PLCG2: variants seen among roughly 807,000 people sequenced by gnomAD.
PLCG2 encodes the protein phospholipase C gamma 2.
A neutral mutation model predicts 175.6 loss-of-function variants in PLCG2; 69 were observed. The observed-to-expected ratio is 0.39, with a 90% CI of 0.32 to 0.48. The LOEUF (loss-of-function observed/expected upper bound fraction) is 0.48, where lower values mean the gene tolerates loss of function less well. Among genes scored for constraint, PLCG2 ranks in the 20% least tolerant of loss-of-function variants. The pLI, the probability that PLCG2 is intolerant of heterozygous loss-of-function variation, is 0.91. For missense variants in PLCG2, 1,798 were observed against 1,650.9 expected (o/e 1.09, Z -1.54); for synonymous variants, 827 against 624.0 (o/e 1.33, Z -4.85).
chr16:81,780,110 C>T (rs1457085775), intron 1 of PLCG2, among the ~76,000 whole-genome samples: 1 of 151,892 alleles, frequency 6.6e-6, no homozygotes, highest in Non-Finnish European at 1.5e-5. Context: ...GCGGGGCTCT[C>T]TTGGTACCCT....
chr16:81,796,280 C>T (rs1911465997), intron 2 of PLCG2, among the ~76,000 whole-genome samples: 1 of 152,248 alleles, frequency 6.6e-6, no homozygotes, highest in Admixed American at 6.5e-5. Context: ...CAAACCTTGG[C>T]TTTTTCTGTT....
chr16:81,864,590 G>T (rs191471467), intron 5 of PLCG2, among the ~76,000 whole-genome samples: 1 of 152,166 alleles, frequency 6.6e-6, no homozygotes, highest in Admixed American at 6.5e-5. Flanking sequence ...AATAGTTCCC[G>T]CCTCCCAGGG....
At chr16:81,917,201 C>A (rs1259936243) in intron 19 of PLCG2, among the ~76,000 whole-genome samples, 5 of 148,724 alleles carry the variant, frequency 3.4e-5, no homozygotes, top group African/African-American at 1.2e-4. Flanking sequence ...CAGGTTCATC[C>A]ATGCTGTTGC....
intron 10 of PLCG2, among the ~76,000 whole-genome samples, chr16:81,891,093 G>A (rs974030824): frequency 6.6e-6 from 1 of 152,142 alleles, no homozygotes; most frequent in African/African-American, 2.4e-5. Context: ...AACCCAGGAG[G>A]TGGAGGTTGC....
At chr16:81,927,219 C>T (rs753674140) in intron 23 of PLCG2, 41 bp downstream of exon 23, 15 of 1,363,582 alleles carry the variant, frequency 1.1e-5, no homozygotes, top group Non-Finnish European at 1.5e-5. Flanking sequence ...AAGAAGGGAT[C>T]TGCAGGTCCA....
chr16:81,855,389 G>T (rs991354801), intron 3 of PLCG2, among the ~76,000 whole-genome samples: 1 of 152,148 alleles, frequency 6.6e-6, no homozygotes, highest in African/African-American at 2.4e-5. Context: ...TATTGACTTA[G>T]AAGTATATGT....
chr16:81,878,195 A>G (rs1418084141), intron 7 of PLCG2, among the ~76,000 whole-genome samples: 2 of 151,876 alleles, frequency 1.3e-5, no homozygotes, highest in Non-Finnish European at 2.9e-5. Flanking sequence ...TGTGTTAGCC[A>G]GGATGGTCTC....
chr16:81,779,350 C>G lies in PLCG2; in HGVS notation c.-122C>G, dbSNP rs1597313203. On this transcript the variant is annotated 5_prime_UTR_variant, in exon 1 of 33. Coordinates refer to ENST00000564138, the MANE Select transcript of PLCG2 (RefSeq NM_002661.5). ...CGGCGCTGAGTGACCCGAGTCGGGA[C>G]GCGGGCTGCGCGCGCGGGACCCCGG... 2 of 150,728 alleles carry G rather than the reference C, an allele frequency of 1.3e-5. No individual in the cohort carries two copies. 9.3% of individuals were successfully genotyped at this position (150,728 alleles called of 1,614,324 possible). A position where few individuals can be genotyped will look rare whatever the true frequency, so the allele number is the denominator to read the frequency against.
chr16:81,908,777 C>T (rs1232903508), intron 17 of PLCG2, among the ~76,000 whole-genome samples, 186 bp downstream of exon 17: 1 of 152,032 alleles, frequency 6.6e-6, no homozygotes, highest in African/African-American at 2.4e-5. Flanking sequence ...GCACTGTAAC[C>T]CAGATTAATG....
chr16:81,840,532 A>G (rs889740702), intron 2 of PLCG2, among the ~76,000 whole-genome samples: 2 of 152,218 alleles, frequency 1.3e-5, no homozygotes, highest in African/African-American at 4.8e-5. Context: ...AGACAGTTCT[A>G]TCTGGGAGTG....
In PLCG2 at chr16:81,891,613, A is replaced by G. The variant is rs1908638749; in HGVS notation, c.986+23A>G. 2.2e-6 allele frequency: 3 copies of G among 1,353,130 alleles called. No homozygotes were observed. The African/African-American group carries it at 4.3e-5, about 19-fold the overall frequency. The allele number at this position is 1,353,130 out of a possible 1,614,324, so 83.8% of individuals were successfully genotyped here. On this transcript the variant is annotated intron_variant, in intron 11 of 32. Transcript: ENST00000564138. ...CACGTGAGTTTCAGATGAGCCTGTG[A>G]TGGGTTGGGCAGCACAGAGCACGTG... is the stretch of plus-strand genomic sequence containing the variant.
chr16:81,914,746 C>G (rs1260232529), intron 19 of PLCG2, among the ~76,000 whole-genome samples: 2 of 152,114 alleles, frequency 1.3e-5, no homozygotes, highest in Non-Finnish European at 2.9e-5. Flanking sequence ...TTGCTTTTGA[C>G]CTGTTCCTGC....
chr16:81,916,256 A>T (rs1198410049), intron 19 of PLCG2, among the ~76,000 whole-genome samples: 5 of 149,954 alleles, frequency 3.3e-5, no homozygotes, highest in Non-Finnish European at 3.0e-5. Context: ...AAAGCAATAT[A>T]TTTTTTTTTT....
At chr16:81,917,744 T>A (rs189526074) in intron 19 of PLCG2, among the ~76,000 whole-genome samples, 2 of 152,234 alleles carry the variant, frequency 1.3e-5, no homozygotes, top group African/African-American at 4.8e-5. Context: ...TTTTTTGAGA[T>A]GGAGTCTTGC....
chr16:81,946,101 G>C, intron 30 of PLCG2, 74 bp from the exon 31 acceptor site: 1 of 1,114,910 alleles, frequency 9.0e-7, no homozygotes, highest in Non-Finnish European at 1.4e-6. Context: ...ATGATCCCGA[G>C]GTAGCCTCCA....
chr16:81,784,148 A>G (rs1005323040), intron 1 of PLCG2, among the ~76,000 whole-genome samples: 2 of 152,174 alleles, frequency 1.3e-5, no homozygotes, highest in African/African-American at 4.8e-5. Flanking sequence ...GGCATGGCTG[A>G]CCGAGGAGGT....
chr16:81,931,107 T>G (rs1285557750), intron 24 of PLCG2, among the ~76,000 whole-genome samples: 1 of 148,544 alleles, frequency 6.7e-6, no homozygotes, highest in East Asian at 1.9e-4. Context: ...TTAATGTTTG[T>G]TTTTTTTTCC....
At chr16:81,776,833 G>A (rs1167186840), upstream of PLCG2, among the ~76,000 whole-genome samples, 2 of 152,190 alleles carry the variant, frequency 1.3e-5, no homozygotes, top group Non-Finnish European at 2.9e-5. Flanking sequence ...GGGATTACAG[G>A]TATGAGCCAC....
At chr16:81,769,750 G>A (rs1165868896) in intron 2 of PLCG2, among the ~76,000 whole-genome samples, 1 of 148,958 alleles carries the variant, frequency 6.7e-6, no homozygotes, top group Non-Finnish European at 1.5e-5. Context: ...AACCCGGGAG[G>A]CGGAGCTTGC....
Sources: allele counts gnomAD v4.1 joint callset (sites outside exome capture counted in the v4.1 genomes callset), GRCh38; gene constraint gnomAD v4.1.1; transcripts MANE v1.5; gene names NCBI Gene and HGNC (gene_info 2026-07-23, HGNC 2026-07-21).